Variants in DCAF8L2 observed in about 807,000 individuals in gnomAD.
The protein encoded by DCAF8L2 is DDB1 and CUL4 associated factor 8 like 2.
For missense variants in DCAF8L2, 430 were observed against 490.7 expected (o/e 0.88, Z 1.17); for synonymous variants, 200 against 190.9 (o/e 1.05, Z -0.39).
chrX:27,666,256 A>G (rs1196069835), intron 2 of DCAF8L2, among the ~76,000 whole-genome samples: 1 of 112,179 alleles, frequency 8.9e-6, no homozygotes, highest in Non-Finnish European at 1.9e-5. Flanking sequence ...AAAGCCTCTA[A>G]CATTTTAGAC....
At chrX:27,598,173 A>G (rs889038128) in intron 1 of DCAF8L2, among the ~76,000 whole-genome samples, 1 of 112,762 alleles carries the variant, frequency 8.9e-6, no homozygotes, top group Non-Finnish European at 1.9e-5. Flanking sequence ...GAAGGTGGAA[A>G]TGGCTGAAAA....
At chrX:27,576,063 T>A in the DCAF8L2 span, among the ~76,000 whole-genome samples, 1 of 112,406 alleles carries the variant, frequency 8.9e-6, no homozygotes, top group African/African-American at 3.2e-5. Context: ...AGTGTTCTAT[T>A]GACAATGCAC....
chrX:27,737,660 A>G (rs1921607612), intron 4 of DCAF8L2, among the ~76,000 whole-genome samples: 1 of 110,509 alleles, frequency 9.0e-6, no homozygotes, highest in African/African-American at 3.3e-5. Flanking sequence ...ATTAGCATAC[A>G]TTTGGCTATT....
chrX:27,686,473 G>C (rs1246581587), intron 3 of DCAF8L2, among the ~76,000 whole-genome samples: 1 of 109,093 alleles, frequency 9.2e-6, no homozygotes, highest in African/African-American at 3.3e-5. Context: ...AAATAATCCA[G>C]GCAAAAAAGA....
chrX:27,729,773 C>A (rs138044638), intron 4 of DCAF8L2, among the ~76,000 whole-genome samples: 1,754 of 111,963 alleles, frequency 0.016, 38 homozygotes, highest in African/African-American at 0.054. Context: ...CCTCCTAATA[C>A]CATCACCTTG....
chrX:27,498,932 A>ATG, the DCAF8L2 span, among the ~76,000 whole-genome samples: 32 of 111,624 alleles, frequency 2.9e-4, no homozygotes, highest in African/African-American at 9.4e-4. Context: ...TACACTATAT[A>ATG]TGTGTGTGTG....
chrX:27,485,089 C>T, the DCAF8L2 span, among the ~76,000 whole-genome samples: 1,057 of 111,384 alleles, frequency 9.5e-3, 12 homozygotes, highest in African/African-American at 0.032. Flanking sequence ...AATGATCACA[C>T]GATTTCCTTA....
chrX:27,649,377 A>G (rs1405102431), intron 2 of DCAF8L2, among the ~76,000 whole-genome samples: 1 of 112,295 alleles, frequency 8.9e-6, no homozygotes, highest in Non-Finnish European at 1.9e-5. Flanking sequence ...TCTTTGAGAA[A>G]TCTCCAAACT....
the DCAF8L2 span, among the ~76,000 whole-genome samples, chrX:27,478,999 T>C: frequency 9.0e-6 from 1 of 111,559 alleles, no homozygotes; most frequent in African/African-American, 3.3e-5. Flanking sequence ...GAATAGAATA[T>C]GACAAAAGTG....
At chrX:27,614,957 GA>G (rs1927387141) in intron 1 of DCAF8L2, among the ~76,000 whole-genome samples, 1 of 111,155 alleles carries the variant, frequency 9.0e-6, no homozygotes, top group Non-Finnish European at 1.9e-5. Context: ...TATACACAAT[GA>G]TACAAAAGGC....
the DCAF8L2 span, among the ~76,000 whole-genome samples, chrX:27,579,607 C>T: frequency 2.0e-3 from 152 of 75,022 alleles, 1 homozygote; most frequent in Non-Finnish European, 2.8e-3. Context: ...GATGTAGTTT[C>T]AGAGAAATAC....
At chrX:27,724,446 A>C (rs944654401) in intron 4 of DCAF8L2, among the ~76,000 whole-genome samples, 6 of 110,743 alleles carry the variant, frequency 5.4e-5, no homozygotes, top group African/African-American at 2.0e-4. Flanking sequence ...TACTTCATAT[A>C]TCATTGAAGA....
chrX:27,519,031 C>A, the DCAF8L2 span: 5 of 943,968 alleles, frequency 5.3e-6, no homozygotes, highest in African/African-American at 5.8e-5. Context: ...ACTATACATG[C>A]GAAGAAGGAA....
chrX:27,678,257 A>G (rs1930207616), intron 3 of DCAF8L2, among the ~76,000 whole-genome samples: 1 of 111,806 alleles, frequency 8.9e-6, no homozygotes, highest in Non-Finnish European at 1.9e-5. Flanking sequence ...AAATATATCA[A>G]AAGTATATGA....
At chrX:27,526,971 C>T in the DCAF8L2 span, among the ~76,000 whole-genome samples, 7,313 of 112,333 alleles carry the variant, frequency 0.065, 557 homozygotes, top group African/African-American at 0.22. Context: ...ACTCAGGGGT[C>T]TGGGACCCAC....
the DCAF8L2 span, among the ~76,000 whole-genome samples, chrX:27,534,555 T>G: frequency 8.9e-6 from 1 of 112,234 alleles, no homozygotes; most frequent in Non-Finnish European, 1.9e-5. Flanking sequence ...GTTCAAAGTT[T>G]TATCTTCTGC....
chrX:27,682,402 A>G (rs1050886427), intron 3 of DCAF8L2, among the ~76,000 whole-genome samples: 7 of 112,129 alleles, frequency 6.2e-5, no homozygotes, highest in African/African-American at 2.3e-4. Context: ...GAAGGACAAC[A>G]CAAATATTGT....
intron 4 of DCAF8L2, among the ~76,000 whole-genome samples, chrX:27,721,557 T>C (rs1931901261): frequency 9.1e-6 from 1 of 110,349 alleles, no homozygotes; most frequent in Non-Finnish European, 1.9e-5. Flanking sequence ...AAAACAAAGA[T>C]TGAAAATGAA....
At chrX:27,669,953 T>C (rs1309205028) in intron 2 of DCAF8L2, among the ~76,000 whole-genome samples, 7 of 111,787 alleles carry the variant, frequency 6.3e-5, no homozygotes, top group Non-Finnish European at 1.1e-4. Flanking sequence ...TGTGTCTTTA[T>C]AGCAGCATGA....
Sources: allele counts gnomAD v4.1 joint callset (sites outside exome capture counted in the v4.1 genomes callset), GRCh38; gene constraint gnomAD v4.1.1; transcripts MANE v1.5; gene names NCBI Gene and HGNC (gene_info 2026-07-23, HGNC 2026-07-21).